PACRG: variants seen among roughly 807,000 people sequenced by gnomAD.
PACRG encodes parkin coregulated.
In PACRG, 29 loss-of-function variants were observed where a neutral mutation model predicts 29.7. The ratio of observed to expected loss-of-function variants is 0.98; its 90% CI spans 0.73 to 1.33. The LOEUF (loss-of-function observed/expected upper bound fraction) is 1.33. Ranked by LOEUF, PACRG falls within the 40% of genes most tolerant of loss-of-function variation. The pLI is 0.00. For missense variants in PACRG, 279 were observed against 316.2 expected (o/e 0.88, Z 0.89); for synonymous variants, 116 against 118.7 (o/e 0.98, Z 0.15).
intron 2 of PACRG, among the ~76,000 whole-genome samples, chr6:162,822,849 ATATGT>A (rs1191724000): frequency 3.3e-5 from 5 of 152,244 alleles, no homozygotes; most frequent in Admixed American, 1.3e-4. Context: ...TATTAATGAC[ATATGT>A]TATGTTAGGT....
rs529826050 is a variant in PACRG, at chr6:163,000,659, C to T, written c.292-61491C>T. Among the ~76,000 whole-genome samples the T allele has an allele frequency of 2.0e-5, 3 of 152,258 alleles. No individual in the cohort carries two copies. In the South Asian group the frequency reaches 6.2e-4, roughly 32 times the overall value. ...AGGGTGCCATGAGGACTGGGGATGACACACATGGCCCAGCAGGAACTCAAC... is the reference window on the plus strand; with the variant it reads ...AGGGTGCCATGAGGACTGGGGATGATACACATGGCCCAGCAGGAACTCAAC... On this transcript the variant is annotated intron_variant, in intron 2 of 4. Transcript: ENST00000366888.
chr6:163,149,163 G>A (rs1241962199), intron 4 of PACRG, among the ~76,000 whole-genome samples: 1 of 151,406 alleles, frequency 6.6e-6, no homozygotes, highest in Non-Finnish European at 1.5e-5. Flanking sequence ...CCGAACCCTC[G>A]CTGTCACCTC....
intron 4 of PACRG, among the ~76,000 whole-genome samples, chr6:163,150,035 A>G (rs1585268820): frequency 6.6e-6 from 1 of 151,950 alleles, no homozygotes; most frequent in South Asian, 2.1e-4. Flanking sequence ...CCTTCTTTCG[A>G]TGGTTTTCTC....
intron 2 of PACRG, among the ~76,000 whole-genome samples, chr6:162,917,766 T>C (rs2128088607): frequency 6.6e-6 from 1 of 152,304 alleles, no homozygotes; most frequent in East Asian, 1.9e-4. Context: ...ACATCTCCTC[T>C]GTTTGGCCTA....
At chr6:162,878,924 A>C (rs899103644) in intron 2 of PACRG, among the ~76,000 whole-genome samples, 1 of 152,190 alleles carries the variant, frequency 6.6e-6, no homozygotes, top group African/African-American at 2.4e-5. Flanking sequence ...TATTGCTATT[A>C]TAGAATGGCT....
intron 4 of PACRG, among the ~76,000 whole-genome samples, chr6:163,282,166 T>TA (rs1314498241): frequency 2.6e-5 from 4 of 152,224 alleles, no homozygotes; most frequent in African/African-American, 4.8e-5. Flanking sequence ...TCACCATAGT[T>TA]ACGCTCATTG....
chr6:163,271,091 G>A (rs1385203506), intron 4 of PACRG, among the ~76,000 whole-genome samples: 1 of 152,140 alleles, frequency 6.6e-6, no homozygotes, highest in Admixed American at 6.5e-5. Flanking sequence ...TGTGGTTGAA[G>A]GTCCAAGAGT....
intron 4 of PACRG, among the ~76,000 whole-genome samples, chr6:163,107,231 A>G (rs1372076591): frequency 6.6e-6 from 1 of 152,208 alleles, no homozygotes; most frequent in African/African-American, 2.4e-5. Context: ...TAGAAATATG[A>G]TGAGAAAGAG....
chr6:163,200,353 A>C (rs1479893074), intron 4 of PACRG, among the ~76,000 whole-genome samples: 2 of 152,146 alleles, frequency 1.3e-5, no homozygotes, highest in African/African-American at 4.8e-5. Context: ...GTGTGGGCTT[A>C]TATATATGTG....
intron 4 of PACRG, among the ~76,000 whole-genome samples, chr6:163,145,775 A>T (rs1325691052): frequency 6.6e-6 from 1 of 151,966 alleles, no homozygotes; most frequent in Non-Finnish European, 1.5e-5. Context: ...GTTGAATCCC[A>T]TTTTCTGTTA....
At chr6:163,114,788 G>C (rs1417768487) in intron 4 of PACRG, among the ~76,000 whole-genome samples, 1 of 151,354 alleles carries the variant, frequency 6.6e-6, no homozygotes, top group African/African-American at 2.4e-5. Flanking sequence ...GTACAGCATG[G>C]TGACCACAGT....
intron 4 of PACRG, among the ~76,000 whole-genome samples, chr6:163,238,839 G>C (rs558059252): frequency 6.6e-6 from 1 of 152,116 alleles, no homozygotes; most frequent in African/African-American, 2.4e-5. Context: ...TGTCTCTTCT[G>C]TATTTCTATC....
chr6:163,190,618 G>A (rs1277722616), intron 4 of PACRG: 2 of 153,036 alleles, frequency 1.3e-5, no homozygotes, highest in Non-Finnish European at 2.9e-5. Context: ...CTTTTCTTCT[G>A]ATTGGACTGC....
At chr6:162,734,913 T>A (rs1465443614) in intron 1 of PACRG, among the ~76,000 whole-genome samples, 1 of 152,212 alleles carries the variant, frequency 6.6e-6, no homozygotes, top group Non-Finnish European at 1.5e-5. Flanking sequence ...CATTCCCACA[T>A]GCTAACCTTC....
At chr6:162,964,858 G>A (rs1800901940) in intron 2 of PACRG, among the ~76,000 whole-genome samples, 1 of 152,248 alleles carries the variant, frequency 6.6e-6, no homozygotes, top group African/African-American at 2.4e-5. Flanking sequence ...GGTATTTAGG[G>A]AGGGTGGCAT....
intron 2 of PACRG, among the ~76,000 whole-genome samples, chr6:163,024,023 G>A (rs1346330443): frequency 1.3e-5 from 2 of 152,134 alleles, no homozygotes; most frequent in African/African-American, 4.8e-5. Context: ...TAGTTTGCTT[G>A]TTTAATCTAT....
intron 2 of PACRG, among the ~76,000 whole-genome samples, chr6:162,875,311 G>T (rs1228418374): frequency 7.7e-6 from 1 of 129,830 alleles, no homozygotes; most frequent in Non-Finnish European, 1.7e-5. Flanking sequence ...ACACAGACAT[G>T]CACAGACATT....
intron 1 of PACRG, among the ~76,000 whole-genome samples, chr6:162,769,297 C>A (rs1009596347): frequency 6.9e-6 from 1 of 144,348 alleles, no homozygotes; most frequent in Non-Finnish European, 1.6e-5. Flanking sequence ...TTATTTTGTT[C>A]AGCCACTGGG....
intron 1 of PACRG, among the ~76,000 whole-genome samples, chr6:162,790,964 G>T (rs140399695): frequency 7.9e-5 from 12 of 152,314 alleles, no homozygotes; most frequent in Non-Finnish European, 1.6e-4. Context: ...TTGTTTAGCA[G>T]ATTTTTCTAA....
Sources: gnomAD v4.1 joint callset for allele counts (sites outside exome capture counted in the v4.1 genomes callset) on GRCh38, gnomAD v4.1.1 for gene constraint, MANE v1.5 for transcripts, NCBI Gene and HGNC (gene_info 2026-07-23, HGNC 2026-07-21) for gene names.